Variants in HAUS3 observed in about 807,000 individuals in gnomAD.
HAUS3 encodes HAUS augmin like complex subunit 3.
HAUS3 carries 36 observed loss-of-function variants against 55.2 expected under a neutral mutation model. That is an observed-to-expected ratio of 0.65 (90% CI 0.50 to 0.86). HAUS3 has a LOEUF of 0.86. HAUS3 is among the 40% of genes least tolerant of loss of function. HAUS3 has a pLI of 0.00. For synonymous variants in HAUS3, 234 were observed against 238.6 expected, an observed-to-expected ratio of 0.98 and a Z score of 0.18; for missense variants, 752 against 671.5, an observed-to-expected ratio of 1.12 and a Z score of -1.33.
At position 2,239,053 on chromosome 4, in the gene HAUS3, G is replaced by A; in HGVS notation, c.910-10C>T. ...TTTCTTTGTCCACAGCCTATACAAAGAAAAGCAATTACATTTCAAACTGTA... is the reference window on the plus strand; with the variant it reads ...TTTCTTTGTCCACAGCCTATACAAAAAAAAGCAATTACATTTCAAACTGTA... On this transcript the variant is annotated splice_polypyrimidine_tract_variant and intron_variant, in intron 3 of 5. Coordinates refer to ENST00000443786, the MANE Select transcript of HAUS3 (RefSeq NM_001303143.2). The A allele has an allele frequency of 7.0e-7, 1 of 1,427,762 alleles. No individual in the cohort carries two copies. Among genetic ancestry groups the A allele is most frequent in the Non-Finnish European group, 9.3e-7 (1 of 1,077,220 alleles). 88.4% of individuals were successfully genotyped at this position (1,427,762 alleles called of 1,614,324 possible).
rs777534113 is a variant in HAUS3 at position 2,240,870 on chromosome 4, T to C, written c.77A>G (p.Asp26Gly). The C allele has an allele frequency of 3.7e-6, 6 of 1,611,504 alleles. No homozygotes were observed. Among genetic ancestry groups the C allele is most frequent in the Non-Finnish European group, 5.1e-6 (6 of 1,179,742 alleles). ...AACGCCCTCAAACAACCAGTCAAAG[T>C]CTTCTCCATTAAGATTATCAGCTTT... ...YPKADNLNGEDFDWLFEGVED... is the reference protein window; with the variant it reads ...YPKADNLNGEGFDWLFEGVED... The change falls in exon 3 of 6, where the codon GAC becomes GGC. Residue 26 changes from aspartate to glycine, a missense_variant. By Grantham distance (94) the Asp-to-Gly change is moderately conservative. Transcript: ENST00000443786.
At chr4:2,236,889 TATAATA>T (rs919205825) in intron 4 of HAUS3, among the ~76,000 whole-genome samples, 3 of 149,028 alleles carry the variant, frequency 2.0e-5, no homozygotes, top group Middle Eastern at 3.6e-3. Context: ...TAATTATAAT[TATAATA>T]ATAATATTAT....
intron 5 of HAUS3, chr4:2,234,591 C>T (rs1042140420): frequency 1.3e-5 from 2 of 152,356 alleles, no homozygotes; most frequent in Non-Finnish European, 2.9e-5. Flanking sequence ...ACCCTGGGTC[C>T]GTGAATCAGG....
At position 2,236,280 on chromosome 4, in the gene HAUS3, A is replaced by T; in HGVS notation, c.1526T>A (p.Met509Lys). The change falls in exon 5 of 6, where the codon ATG becomes AAG. Residue 509 changes from methionine (M) to lysine (K), a missense_variant. Met to Lys is a moderately conservative substitution (Grantham distance 95, BLOSUM62 -1). Coordinates refer to ENST00000443786, the MANE Select transcript of HAUS3 (RefSeq NM_001303143.2). The part of the protein sequence containing the change: ...FLSKRNKDVD[M>K]LCDTLYQGGN... ...TCCTTGATACAAAGTATCACAAAGCATGTCCACATCCTTATTCCGTTTGGA... is the reference window on the plus strand; with the variant it reads ...TCCTTGATACAAAGTATCACAAAGCTTGTCCACATCCTTATTCCGTTTGGA... 1 of 1,613,786 alleles carries T rather than the reference A, an allele frequency of 6.2e-7. No homozygotes were observed. The highest frequency in any genetic ancestry group is 8.5e-7 in the Non-Finnish European group (1 of 1,179,890).
intron 5 of HAUS3, among the ~76,000 whole-genome samples, chr4:2,233,437 A>AC (rs1553803556): frequency 0.01 from 1,567 of 151,278 alleles, 32 homozygotes; most frequent in African/African-American, 0.034. Flanking sequence ...TCTTGGATGC[A>AC]TTTTTTTTTC....
At position 2,229,107 on chromosome 4, in the gene HAUS3, C is replaced by T. The variant is rs769865959; in HGVS notation, c.*2820G>A. 4.4e-6 allele frequency: 7 copies of T among 1,600,616 alleles called. No individual in the cohort carries two copies. Among genetic ancestry groups the T allele is most frequent in the South Asian group, 1.1e-5 (1 of 89,206 alleles). On this transcript the variant is annotated 3_prime_UTR_variant, in exon 6 of 6. Coordinates refer to ENST00000443786, the MANE Select transcript of HAUS3 (RefSeq NM_001303143.2). Reference sequence around the variant, plus strand: ...TCATAAAAATTACTTACTCTCTGTACTCTTTCCCCAAGTCTTAGAATCCAC... The same window carrying T: ...TCATAAAAATTACTTACTCTCTGTATTCTTTCCCCAAGTCTTAGAATCCAC...
intron 5 of HAUS3, among the ~76,000 whole-genome samples, chr4:2,235,429 T>C (rs1216397469): frequency 1.3e-5 from 2 of 152,222 alleles, no homozygotes; most frequent in African/African-American, 2.4e-5. Flanking sequence ...GTGAGACATA[T>C]AAGACCATCA....
chr4:2,235,358 T>TA (rs1734724236), intron 5 of HAUS3, among the ~76,000 whole-genome samples: 1 of 152,220 alleles, frequency 6.6e-6, no homozygotes, highest in Non-Finnish European at 1.5e-5. Flanking sequence ...GCTACTGTTT[T>TA]AAAAACCACA....
At chr4:2,234,129 C>G (rs895807589) in intron 5 of HAUS3, 1 of 152,102 alleles carries the variant, frequency 6.6e-6, no homozygotes, top group Non-Finnish European at 1.5e-5. Flanking sequence ...GTAATTAAAT[C>G]AAGACAGTAT....
chr4:2,233,803 T>C (rs969280514), intron 5 of HAUS3, among the ~76,000 whole-genome samples: 16 of 152,236 alleles, frequency 1.1e-4, no homozygotes, highest in African/African-American at 3.6e-4. Context: ...GTTTTTCTTT[T>C]TTGGCAATTC....
chr4:2,239,594 T>C (rs1395670978), intron 3 of HAUS3, among the ~76,000 whole-genome samples: 2 of 152,186 alleles, frequency 1.3e-5, no homozygotes, highest in Non-Finnish European at 2.9e-5. Context: ...AATACATCTA[T>C]CCATATATTC....
Position 2,241,592 on chromosome 4 carries a change from G to A in HAUS3, c.-220C>T. On this transcript the variant is annotated 5_prime_UTR_variant, in exon 2 of 6. Coordinates refer to ENST00000443786, the MANE Select transcript of HAUS3 (RefSeq NM_001303143.2). ...GACGCGGAGAACAGCAGGAGCAGCA[G>A]GGAAGCGCGCGGCCACAATTAAGGG... 1 of 985,720 alleles carries A rather than the reference G, an allele frequency of 1.0e-6. No homozygotes were observed. Among genetic ancestry groups the A allele is most frequent in the Non-Finnish European group, 1.2e-6 (1 of 830,140 alleles). The allele number at this position is 985,720 out of a possible 1,614,324, so 61.1% of individuals were successfully genotyped here.
In HAUS3 at chr4:2,240,383, C is replaced by T; in HGVS notation, c.564G>A (p.Gly188=). 6.2e-7 allele frequency: 1 copy of T among 1,608,682 alleles called. No individual in the cohort carries two copies. The highest frequency in any genetic ancestry group is 8.5e-7 in the Non-Finnish European group (1 of 1,176,614). The stretch of plus-strand genomic sequence containing the variant: ...GCGATAAAAATACCAGTGGATTTGT[C>T]CCTTGACCTAAATTAGAATGTCTGA... The part of the protein sequence containing the change: ...MFFRHSNLGQ[G]TNPLVFLSQF... The change falls in exon 3 of 6, where the codon GGG becomes GGA. Residue 188 remains glycine (G), a synonymous_variant. Coordinates refer to ENST00000443786, the MANE Select transcript of HAUS3 (RefSeq NM_001303143.2).
chr4:2,228,441 C>G lies in HAUS3; in HGVS notation c.*3486G>C. The G allele has an allele frequency of 4.2e-6, 1 of 237,880 alleles. No individual in the cohort carries two copies. The highest frequency in any genetic ancestry group is 3.6e-5 in the South Asian group (1 of 27,748). The allele number at this position is 237,880 out of a possible 1,614,324, so 14.7% of individuals were successfully genotyped here. ...GCAAGCCCCGCCTCCTGGGTTCATGCCATTCTCCTGCCTCAGCCTCCCAAG... is the reference window on the plus strand; with the variant it reads ...GCAAGCCCCGCCTCCTGGGTTCATGGCATTCTCCTGCCTCAGCCTCCCAAG... On this transcript the variant is annotated 3_prime_UTR_variant, in exon 6 of 6. Coordinates refer to ENST00000443786, the MANE Select transcript of HAUS3 (RefSeq NM_001303143.2).
Position 2,230,170 on chromosome 4 carries a change from C to T in HAUS3, c.*1757G>A, listed in dbSNP as rs951680009. The T allele has an allele frequency of 1.3e-5, 2 of 152,382 alleles. No homozygotes were observed. The highest frequency in any genetic ancestry group is 4.8e-5 in the African/African-American group (2 of 41,452). The allele number at this position is 152,382 out of a possible 1,614,324, so 9.4% of individuals were successfully genotyped here. A position where few individuals can be genotyped will look rare whatever the true frequency, so the allele number is the denominator to read the frequency against. The stretch of plus-strand genomic sequence containing the variant: ...ATTAGCCAGGTGCAGTGGTGCACGC[C>T]TACAATCCCATCTACTCAGGAGGCT... On this transcript the variant is annotated 3_prime_UTR_variant, in exon 6 of 6. Coordinates refer to ENST00000443786, the MANE Select transcript of HAUS3 (RefSeq NM_001303143.2).
Position 2,238,866 on chromosome 4 carries a change from G to C in HAUS3, c.1087C>G (p.Gln363Glu). Reference sequence around the variant, plus strand: ...TCTTGTCTTGCTGTATAATAATCTTGTTTAGCAATCTGCAGATCAAAATCT... The same window carrying C: ...TCTTGTCTTGCTGTATAATAATCTTCTTTAGCAATCTGCAGATCAAAATCT... ...KGDFDLQIAKQDYYTARQELV... is the reference protein window; with the variant it reads ...KGDFDLQIAKEDYYTARQELV... The change falls in exon 4 of 6, where the codon CAA becomes GAA. Residue 363 changes from glutamine to glutamate, a missense_variant. By Grantham distance (29) the Gln-to-Glu change is conservative. Transcript: ENST00000443786. 6.2e-7 allele frequency: 1 copy of C among 1,613,028 alleles called. No homozygotes were observed. Among genetic ancestry groups the C allele is most frequent in the South Asian group, 1.1e-5 (1 of 91,012 alleles).
In HAUS3 at chr4:2,240,412, A is replaced by G. The variant is rs1483199484; in HGVS notation, c.535T>C (p.Phe179Leu). 6.2e-7 allele frequency: 1 copy of G among 1,613,050 alleles called. No individual in the cohort carries two copies. The highest frequency in any genetic ancestry group is 1.7e-5 in the Admixed American group (1 of 59,634). Residue 179 changes from phenylalanine (F) to leucine (L), a missense_variant, in exon 3 of 6, where the codon TTC (phenylalanine) becomes CTC (leucine). Transcript: ENST00000443786. ...LTDEVTQLMM[F>L]FRHSNLGQGT... is the part of the protein sequence containing the mutation. ...TGACCTAAATTAGAATGTCTGAAGA[A>G]CATCATCAATTGTGTAACTTCATCA... is the stretch of plus-strand genomic sequence containing the variant.
rs1255081339 is a variant in HAUS3, at chr4:2,236,362, T to C, written c.1444A>G (p.Ile482Val). The change falls in exon 5 of 6, where the codon ATT becomes GTT. Residue 482 changes from isoleucine to valine, a missense_variant. Physicochemically the swap from Ile to Val is conservative, Grantham distance 29. Coordinates refer to ENST00000443786, the MANE Select transcript of HAUS3 (RefSeq NM_001303143.2). ...EEVAEKLKQN[I>V]SLVQDQLAVS... Reference sequence around the variant, plus strand: ...GCCAACTGATCTTGTACTAAAGAAATATTCTGTTTCAATTTCTCAGCCACT... The same window carrying C: ...GCCAACTGATCTTGTACTAAAGAAACATTCTGTTTCAATTTCTCAGCCACT... 1.2e-6 allele frequency: 2 copies of C among 1,613,234 alleles called. No homozygotes were observed. Among genetic ancestry groups the C allele is most frequent in the African/African-American group, 1.3e-5 (1 of 74,920 alleles).
chr4:2,234,732 T>A (rs1276129339), intron 5 of HAUS3, among the ~76,000 whole-genome samples: 1 of 152,138 alleles, frequency 6.6e-6, no homozygotes, highest in Admixed American at 6.5e-5. Flanking sequence ...AGAAAAAGCA[T>A]CACCAGGAAT....
Sources: gnomAD v4.1 joint callset for allele counts (sites outside exome capture counted in the v4.1 genomes callset) on GRCh38, gnomAD v4.1.1 for gene constraint, MANE v1.5 for transcripts, NCBI Gene and HGNC (gene_info 2026-07-23, HGNC 2026-07-21) for gene names.